The following PRRC2B variants were observed in gnomAD, a reference collection of about 807,000 sequenced individuals.
PRRC2B encodes the protein proline rich coiled-coil 2B, also known as protein PRRC2B.
In PRRC2B, 68 loss-of-function variants were observed where a neutral mutation model predicts 242.3. The ratio of observed to expected loss-of-function variants is 0.28; its 90% confidence interval spans 0.23 to 0.34. The LOEUF is 0.34. PRRC2B is among the 10% of genes least tolerant of loss of function. The pLI, the probability that PRRC2B is intolerant of heterozygous loss-of-function variation, is 1.00. For synonymous variants in PRRC2B, 1,228 were observed against 1,173.6 expected (o/e 1.05, Z -0.95); for missense variants, 2,835 against 2,954.8 (o/e 0.96, Z 0.94).
chr9:131,456,600 T>C (rs1450493814), intron 10 of PRRC2B, among the ~76,000 whole-genome samples: 2 of 151,366 alleles, frequency 1.3e-5, no homozygotes, highest in African/African-American at 2.4e-5. Flanking sequence ...CACATGCCAC[T>C]GCACTCCAGC....
chr9:131,459,389 G>T, intron 11 of PRRC2B, 33 bp downstream of exon 11: 2 of 1,568,160 alleles, frequency 1.3e-6, no homozygotes, highest in Non-Finnish European at 1.7e-6. Context: ...CTGTGTATTT[G>T]TACTTCATTG....
In PRRC2B at chr9:131,483,411, C is replaced by T; in HGVS notation, c.5426C>T (p.Pro1809Leu). The T allele has an allele frequency of 2.5e-6, 4 of 1,613,894 alleles. No homozygotes were observed. Among genetic ancestry groups the T allele is most frequent in the Non-Finnish European group, 2.5e-6 (3 of 1,179,888 alleles). ...TCTGCCTCTGGTCCTACTGGGAGTC[C>T]AGTTGTTAAACTTCAGGATGCCTTG... ...PGSASGPTGS[P>L]VVKLQDALAS... Residue 1809 changes from proline to leucine, a missense_variant, in exon 23 of 32, where the codon CCA (proline) becomes CTA (leucine). Pro to Leu is a moderately conservative substitution (Grantham distance 98). Transcript: ENST00000683519.
In PRRC2B at chr9:131,459,185, G is replaced by A. The variant is rs947924894; in HGVS notation, c.1233G>A (p.Arg411=). ...CTAGGAACAGTTGGGACCCTAGGAG[G>A]CAGCGGCAGTTGTCAATGAGCTCTG... is the stretch of plus-strand genomic sequence containing the variant. The part of the protein sequence containing the change: ...RPKWNSWDPR[R]QRQLSMSSAD... Residue 411 remains arginine (R), a synonymous_variant, in exon 11 of 32, where the codon AGG becomes AGA. Coordinates refer to ENST00000683519, the MANE Select transcript of PRRC2B (RefSeq NM_013318.4). 1 of 1,614,020 alleles carries A rather than the reference G, an allele frequency of 6.2e-7. No individual in the cohort carries two copies. Among genetic ancestry groups the A allele is most frequent in the African/African-American group, 1.3e-5 (1 of 75,058 alleles).
upstream of PRRC2B, among the ~76,000 whole-genome samples, chr9:131,389,925 T>G (rs1443303607): frequency 3.8e-5 from 5 of 130,356 alleles, no homozygotes; most frequent in East Asian, 6.6e-4. Context: ...GTTTTTTTTT[T>G]TGTTTTTTTT....
rs1324920036 is a variant in PRRC2B at position 131,470,838 on chromosome 9, C to G, written c.1962C>G (p.Ser654=). 1.9e-6 allele frequency: 3 copies of G among 1,611,818 alleles called. No individual in the cohort carries two copies. The highest frequency in any genetic ancestry group is 3.3e-5 in the Admixed American group (2 of 59,940). ...QHWQPVYPPP[S]HPQRTFYPHH... ...GGCAGCCGGTGTACCCCCCGCCGTC[C>G]CACCCCCAGCGCACCTTTTACCCAC... Residue 654 remains serine (S), a synonymous_variant, in exon 14 of 32, where the codon TCC becomes TCG. Transcript: ENST00000683519.
chr9:131,413,229 T>A lies in PRRC2B; in HGVS notation c.-51-16865T>A, dbSNP rs138309528. Reference sequence around the variant, plus strand: ...CCTTTCTTAGCATTCCACAAGTTACTTTCTCCTTCCTTTGTTCTCCTCTGC... The same window carrying A: ...CCTTTCTTAGCATTCCACAAGTTACATTCTCCTTCCTTTGTTCTCCTCTGC... On this transcript the variant is annotated intron_variant, in intron 1 of 31. Transcript: ENST00000683519. Among the ~76,000 whole-genome samples, 10 of 152,338 alleles carry A rather than the reference T, an allele frequency of 6.6e-5. No individual in the cohort carries two copies. The East Asian group carries it at 1.7e-3, about 26-fold the overall frequency.
chr9:131,488,131 G>GA, intron 28 of PRRC2B, 35 bp downstream of exon 28: 4 of 1,591,370 alleles, frequency 2.5e-6, no homozygotes, highest in Non-Finnish European at 3.4e-6. Context: ...AAAGCCCTAG[G>GA]CTTCTTTCCT....
At chr9:131,463,176 C>T (rs946998016) in intron 11 of PRRC2B, among the ~76,000 whole-genome samples, 3 of 152,054 alleles carry the variant, frequency 2.0e-5, no homozygotes, top group African/African-American at 4.8e-5. Context: ...CTGCACGCTT[C>T]GGTTCCAATG....
chr9:131,400,634 A>G (rs908952573), intron 1 of PRRC2B, among the ~76,000 whole-genome samples: 1 of 151,094 alleles, frequency 6.6e-6, no homozygotes. Context: ...GCTGTTTCAG[A>G]CTCCTGGACT....
At chr9:131,391,866 G>A (rs546204759), upstream of PRRC2B, among the ~76,000 whole-genome samples, 58 of 150,596 alleles carry the variant, frequency 3.9e-4, no homozygotes, top group African/African-American at 1.3e-3. Context: ...TCAGCCTCCC[G>A]AGTAGCTGGG....
chr9:131,474,422 C>A, intron 15 of PRRC2B, 32 bp from the exon 16 acceptor site: 1 of 1,564,420 alleles, frequency 6.4e-7, no homozygotes, highest in East Asian at 2.3e-5. Context: ...AGGCTCCAAT[C>A]GCATTGACTG....
At chr9:131,448,562 A>AAC (rs1588257334) in intron 9 of PRRC2B, among the ~76,000 whole-genome samples, 1 of 92,524 alleles carries the variant, frequency 1.1e-5, no homozygotes, top group Non-Finnish European at 2.6e-5. Flanking sequence ...AAAAAAAAAA[A>AAC]AAAAAAAAGG....
intron 1 of PRRC2B, among the ~76,000 whole-genome samples, chr9:131,414,286 A>G (rs1014215434): frequency 4.0e-5 from 6 of 151,128 alleles, no homozygotes; most frequent in Non-Finnish European, 8.8e-5. Context: ...TGTAAACATG[A>G]AAGATAAAAC....
At chr9:131,397,772 A>T (rs1004706530) in intron 1 of PRRC2B, among the ~76,000 whole-genome samples, 1 of 152,098 alleles carries the variant, frequency 6.6e-6, no homozygotes, top group Non-Finnish European at 1.5e-5. Flanking sequence ...TGAAATGTAC[A>T]TATCTTGTCA....
chr9:131,384,235 A>G (rs572860184), intron 1 of PRRC2B, among the ~76,000 whole-genome samples: 1 of 151,986 alleles, frequency 6.6e-6, no homozygotes, highest in South Asian at 2.1e-4. Context: ...CTGGGATTAC[A>G]GGCACCTGCC....
chr9:131,390,622 A>G (rs1282291561), upstream of PRRC2B, among the ~76,000 whole-genome samples: 8 of 148,952 alleles, frequency 5.4e-5, no homozygotes, highest in Non-Finnish European at 1.2e-4. Flanking sequence ...AGCTGGGACT[A>G]TAGGCGCCCG....
intron 26 of PRRC2B, chr9:131,486,508 C>T: frequency 1.0e-6 from 1 of 985,416 alleles, no homozygotes; most frequent in Non-Finnish European, 1.2e-6. Context: ...AGAAGAAAGG[C>T]CTAAACTCCC....
chr9:131,392,191 C>T (rs927988555), upstream of PRRC2B, among the ~76,000 whole-genome samples: 3 of 148,994 alleles, frequency 2.0e-5, no homozygotes, highest in African/African-American at 4.9e-5. Context: ...CTCCGCCACC[C>T]GGGTTTGAGC....
At chr9:131,472,311 T>C (rs2131440032) in intron 14 of PRRC2B, among the ~76,000 whole-genome samples, 1 of 152,082 alleles carries the variant, frequency 6.6e-6, no homozygotes, top group East Asian at 1.9e-4. Flanking sequence ...ATGATTATTA[T>C]TATTATTATT....
Sources: gnomAD v4.1 joint callset for allele counts (sites outside exome capture counted in the v4.1 genomes callset) on GRCh38, gnomAD v4.1.1 for gene constraint, MANE v1.5 for transcripts, NCBI Gene and HGNC (gene_info 2026-07-23, HGNC 2026-07-21) for gene names.